The following ARMC3 variants were observed in gnomAD, a reference collection of about 807,000 sequenced individuals.
ARMC3 encodes armadillo repeat containing 3, also known as armadillo repeat-containing protein 3.
In ARMC3, 74 loss-of-function variants were observed where a neutral mutation model predicts 90.3. The observed-to-expected ratio is 0.82, with a 90% CI of 0.68 to 0.99. The LOEUF is 0.99. Among genes scored for constraint, ARMC3 ranks in the 50% least tolerant of loss-of-function variants. The probability of loss-of-function intolerance (pLI) is 0.00; values close to 1 mark genes in which losing one functional copy is unlikely to be tolerated. For missense variants in ARMC3, 958 were observed against 1,042.8 expected (o/e 0.92, Z 1.12); for synonymous variants, 334 against 361.8 (o/e 0.92, Z 0.87).
intron 12 of ARMC3, among the ~76,000 whole-genome samples, chr10:23,002,936 C>A (rs1461727909): frequency 6.6e-6 from 1 of 152,156 alleles, no homozygotes; most frequent in Non-Finnish European, 1.5e-5. Context: ...GGCTTCTTTG[C>A]ATATATTGTC....
In ARMC3 at chr10:23,037,594, G is replaced by C; in HGVS notation, c.*115G>C. ...ATAAAAACTTTAAATAAAAGTATTA[G>C]AAATGTTTTCTCTGCGTAGAAATTA... On this transcript the variant is annotated 3_prime_UTR_variant, in exon 19 of 19. Transcript: ENST00000298032. The C allele has an allele frequency of 1.0e-6, 1 of 970,602 alleles. No homozygotes were observed. The allele number at this position is 970,602 out of a possible 1,614,324, so 60.1% of individuals were successfully genotyped here. A position where few individuals can be genotyped will look rare whatever the true frequency, so the allele number is the denominator to read the frequency against.
intron 2 of ARMC3, among the ~76,000 whole-genome samples, chr10:22,943,295 G>A (rs538726324): frequency 6.6e-6 from 1 of 152,174 alleles, no homozygotes; most frequent in African/African-American, 2.4e-5. Context: ...TTTATTTGAA[G>A]TTGTGGTTTT....
At chr10:22,930,806 T>A (rs1588797782) in intron 1 of ARMC3, among the ~76,000 whole-genome samples, 1 of 152,240 alleles carries the variant, frequency 6.6e-6, no homozygotes, top group South Asian at 2.1e-4. Context: ...ATATACCGTT[T>A]AAGATTGCTC....
rs775641327 is a variant in ARMC3 at position 22,968,349 on chromosome 10, A to G, written c.776A>G (p.Asn259Ser). 10 of 1,614,076 alleles carry G rather than the reference A, an allele frequency of 6.2e-6. No homozygotes were observed. The highest frequency in any genetic ancestry group is 2.2e-5 in the South Asian group (2 of 91,080). ...ATAGAAGCACTTGCAGTGATAGCCA[A>G]TTGCCTTGAAGACATGGATACTATG... is the stretch of plus-strand genomic sequence containing the variant. ...LHIEALAVIA[N>S]CLEDMDTMVQ... Residue 259 changes from asparagine (N) to serine (S), a missense_variant, in exon 8 of 19, where the codon AAT (asparagine) becomes AGT (serine). Transcript: ENST00000298032.
intron 16 of ARMC3, among the ~76,000 whole-genome samples, chr10:23,018,537 G>A (rs906770739): frequency 1.7e-4 from 5 of 29,774 alleles, no homozygotes; most frequent in African/African-American, 6.5e-4. Flanking sequence ...TTTTTTTTGA[G>A]ACGGAGTCTC....
chr10:22,949,360 T>C (rs1834653245), intron 3 of ARMC3, among the ~76,000 whole-genome samples: 1 of 152,134 alleles, frequency 6.6e-6, no homozygotes, highest in Admixed American at 6.6e-5. Context: ...GGAAAAGACA[T>C]TAAAAGATTA....
intron 8 of ARMC3, among the ~76,000 whole-genome samples, chr10:22,974,892 T>C (rs11592801): frequency 0.062 from 9,373 of 150,290 alleles, 408 homozygotes; most frequent in Middle Eastern, 0.12. Context: ...TCCACCTGCC[T>C]TGGCCTCCCG....
intron 4 of ARMC3, among the ~76,000 whole-genome samples, chr10:22,956,939 T>A (rs1031084205): frequency 6.6e-6 from 1 of 151,960 alleles, no homozygotes; most frequent in South Asian, 2.1e-4. Context: ...CTCTGACTTA[T>A]GAACAGGATA....
At chr10:22,974,274 T>A (rs1287565655) in intron 8 of ARMC3, among the ~76,000 whole-genome samples, 1 of 152,184 alleles carries the variant, frequency 6.6e-6, no homozygotes, top group Non-Finnish European at 1.5e-5. Flanking sequence ...AGAAGTATAA[T>A]TAGGGTTAAG....
At chr10:22,954,923 G>C (rs1834869226) in intron 3 of ARMC3, among the ~76,000 whole-genome samples, 1 of 152,080 alleles carries the variant, frequency 6.6e-6, no homozygotes. Context: ...AGAATAAGGA[G>C]AGCCAGGGGT....
At chr10:22,984,990 A>T (rs962141805) in intron 10 of ARMC3, among the ~76,000 whole-genome samples, 8 of 150,054 alleles carry the variant, frequency 5.3e-5, no homozygotes, top group Non-Finnish European at 1.0e-4. Context: ...CTCCTGCCTC[A>T]GCCTTTCAGG....
At chr10:22,933,596 G>T (rs894078887) in intron 2 of ARMC3, among the ~76,000 whole-genome samples, 19 of 152,084 alleles carry the variant, frequency 1.2e-4, no homozygotes, top group Admixed American at 9.8e-4. Context: ...ACTTTTCCCT[G>T]CCTTTCCCAG....
intron 16 of ARMC3, among the ~76,000 whole-genome samples, chr10:23,015,434 T>C (rs1168532396): frequency 1.3e-5 from 2 of 152,248 alleles, no homozygotes; most frequent in East Asian, 1.9e-4. Context: ...CATTTAAAAA[T>C]AGCATTCACT....
At chr10:22,976,712 C>T (rs1243674190) in intron 8 of ARMC3, among the ~76,000 whole-genome samples, 3 of 152,198 alleles carry the variant, frequency 2.0e-5, no homozygotes, top group Admixed American at 6.5e-5. Context: ...TCTGACCTGT[C>T]TTCTGAATTC....
intron 10 of ARMC3, among the ~76,000 whole-genome samples, chr10:22,993,858 G>A (rs1008854111): frequency 7.2e-5 from 11 of 152,242 alleles, no homozygotes; most frequent in East Asian, 3.9e-4. Context: ...ACATGAAATC[G>A]CACAATATTT....
chr10:23,023,918 T>C (rs1469975749), intron 16 of ARMC3, among the ~76,000 whole-genome samples: 1 of 151,910 alleles, frequency 6.6e-6, no homozygotes, highest in Non-Finnish European at 1.5e-5. Context: ...GGAGAGAGGG[T>C]AGGGCTGAAA....
intron 16 of ARMC3, among the ~76,000 whole-genome samples, chr10:23,011,764 G>T (rs1236240766): frequency 3.9e-5 from 6 of 152,120 alleles, no homozygotes; most frequent in African/African-American, 1.4e-4. Context: ...TTCCAAAACA[G>T]CCTTCCAGTT....
chr10:22,997,868 C>T (rs1189171052), intron 10 of ARMC3, among the ~76,000 whole-genome samples: 5 of 151,738 alleles, frequency 3.3e-5, no homozygotes, highest in Non-Finnish European at 7.4e-5. Context: ...AAGTAGTAGT[C>T]GTCTATTTCT....
intron 2 of ARMC3, among the ~76,000 whole-genome samples, chr10:22,940,352 T>C (rs901018172): frequency 6.6e-6 from 1 of 152,234 alleles, no homozygotes; most frequent in Non-Finnish European, 1.5e-5. Context: ...AATACCTATA[T>C]GCTGAAAACT....
Sources: allele counts gnomAD v4.1 joint callset (sites outside exome capture counted in the v4.1 genomes callset), GRCh38; gene constraint gnomAD v4.1.1; transcripts MANE v1.5; gene names NCBI Gene and HGNC (gene_info 2026-07-23, HGNC 2026-07-21).